PKHD1: variants seen among roughly 807,000 people sequenced by gnomAD.
The protein encoded by PKHD1 is PKHD1 ciliary IPT domain containing fibrocystin/polyductin.
PKHD1 carries 291 observed loss-of-function variants against 412.0 expected under a neutral mutation model. The observed-to-expected ratio is 0.71, with a 90% CI of 0.64 to 0.78. The LOEUF (loss-of-function observed/expected upper bound fraction) is 0.78. Ranked by LOEUF, PKHD1 falls within the 30% of genes least tolerant of loss-of-function variation. The probability of loss-of-function intolerance (pLI) is 0.00; values close to 1 mark genes in which losing one functional copy is unlikely to be tolerated. For synonymous variants in PKHD1, 1,777 were observed against 1,821.5 expected (o/e 0.98, Z 0.62); for missense variants, 4,825 against 4,950.7 (o/e 0.97, Z 0.76).
At chr6:51,888,565 C>T (rs1778577565) in intron 43 of PKHD1, among the ~76,000 whole-genome samples, 1 of 151,814 alleles carries the variant, frequency 6.6e-6, no homozygotes, top group South Asian at 2.1e-4. Flanking sequence ...GCCCAAATTC[C>T]TGTGAAGTAG....
At position 51,976,944 on chromosome 6, in the gene PKHD1, T is replaced by TAAAAAA. The variant is rs10671492; in HGVS notation, c.5752-16924_5752-16919dup. On this transcript the variant is annotated intron_variant, in intron 35 of 66. Transcript: ENST00000371117. The stretch of plus-strand genomic sequence containing the variant: ...GCCTGGGTGATAGAGTGAGACTCCA[T>TAAAAAA]AAAAAAAAAAAAAAAAAAAACCTGA... Among the ~76,000 whole-genome samples the TAAAAAA allele has an allele frequency of 7.4e-3, 690 of 93,424 alleles. 15 individuals carry two copies. The highest frequency in any genetic ancestry group is 0.022 in the East Asian group (67 of 3,064). 61.3% of individuals were successfully genotyped at this position (93,424 alleles called of 152,430 possible).
intron 35 of PKHD1, among the ~76,000 whole-genome samples, chr6:51,995,895 T>G (rs955294158): frequency 2.0e-5 from 3 of 152,204 alleles, no homozygotes; most frequent in Non-Finnish European, 4.4e-5. Context: ...ACTTCATAGT[T>G]TTTGGTTGTC....
rs1359222943 is a variant in PKHD1 at position 51,746,995 on chromosome 6, A to T, written c.9830-106T>A. The T allele has an allele frequency of 1.1e-5, 8 of 712,312 alleles. No homozygotes were observed. In the Admixed American group the frequency reaches 2.1e-4, roughly 19 times the overall value. The allele number at this position is 712,312 out of a possible 1,614,324, so 44.1% of individuals were successfully genotyped here. ...GTTATAATAATGTATACCCTAAGTT[A>T]GTTAAAGCTATCCAGGATAGCCTTA... is the stretch of plus-strand genomic sequence containing the variant. On this transcript the variant is annotated intron_variant, in intron 58 of 66. Transcript: ENST00000371117.
In PKHD1 at chr6:52,017,582, C is replaced by A; in HGVS notation, c.5428G>T (p.Glu1810Ter). The A allele has an allele frequency of 1.2e-6, 2 of 1,614,036 alleles. No homozygotes were observed. The highest frequency in any genetic ancestry group is 1.7e-6 in the Non-Finnish European group (2 of 1,180,000). ...TGCACATAGGTGTGTCTGGCAGCCTCACAGCTGTCCTCCTCACGCTTCAGG... is the reference window on the plus strand; with the variant it reads ...TGCACATAGGTGTGTCTGGCAGCCTAACAGCTGTCCTCCTCACGCTTCAGG... ...CGLKREEDSC[E>*]AARHTYVQCD... is the part of the protein sequence containing the mutation. Residue 1810 changes from glutamate to a stop codon, truncating the protein, a stop_gained, in exon 34 of 67, where the codon GAG becomes TAG. Coordinates refer to ENST00000371117, the MANE Select transcript of PKHD1 (RefSeq NM_138694.4). LOFTEE classifies it high-confidence loss of function.
At chr6:51,772,004 A>G (rs1245248209) in intron 55 of PKHD1, among the ~76,000 whole-genome samples, 1 of 152,100 alleles carries the variant, frequency 6.6e-6, no homozygotes, top group African/African-American at 2.4e-5. Context: ...CCTTGATATT[A>G]ATCTTTTCTA....
In PKHD1 at chr6:51,960,001, C is replaced by T. The variant is rs199598712; in HGVS notation, c.5777G>A (p.Arg1926Gln). The change falls in exon 36 of 67, where the codon CGG (arginine) becomes CAG (glutamine). Residue 1926 changes from arginine to glutamine, a missense_variant. Arg to Gln is a conservative substitution (Grantham distance 43, BLOSUM62 1). Transcript: ENST00000371117. ...CCAGCTGTGAGTCCTGGACCATCTC[C>T]GGCAGAACTGTAAAGAAAAGTTGCC... ...TQGNFSLQFC[R>Q]RWSRTHSWFP... 1.4e-4 allele frequency: 218 copies of T among 1,613,404 alleles called. No homozygotes were observed. Among genetic ancestry groups the T allele is most frequent in the Admixed American group, 5.0e-5 (3 of 59,950 alleles).
intron 1 of PKHD1, among the ~76,000 whole-genome samples, chr6:52,085,657 G>A (rs1812671270): frequency 6.6e-6 from 1 of 152,130 alleles, no homozygotes. Context: ...AGATAATGTG[G>A]CACACATAGG....
Position 52,082,523 on chromosome 6 carries a change from A to C in PKHD1, c.150T>G (p.Leu50=), listed in dbSNP as rs529214120. The change falls in exon 4 of 67, where the codon CTT becomes CTG. Residue 50 remains leucine (L), a synonymous_variant. Transcript: ENST00000371117. ...VIFDGLELGV[L]YPNNGSQLEI... is the part of the protein sequence containing the mutation. ...CCAATTGAGAGCCATTGTTGGGGTA[A>C]AGAACACCCAACTCCAAACCTAACA... 2.3e-5 allele frequency: 37 copies of C among 1,614,102 alleles called. No individual in the cohort carries two copies. In the East Asian group the frequency reaches 8.0e-4, roughly 35 times the overall value.
chr6:52,035,991 C>G (rs573116302), intron 27 of PKHD1, among the ~76,000 whole-genome samples: 1 of 152,284 alleles, frequency 6.6e-6, no homozygotes, highest in South Asian at 2.1e-4. Context: ...TGCCACAAGT[C>G]TGAAGAGGTA....
At chr6:51,981,182 C>T (rs1795094086) in intron 35 of PKHD1, among the ~76,000 whole-genome samples, 1 of 149,290 alleles carries the variant, frequency 6.7e-6, no homozygotes, top group Admixed American at 6.9e-5. Flanking sequence ...AACCTGCATG[C>T]TCTTCCCACT....
chr6:51,642,402 A>G (rs1356466119), intron 63 of PKHD1, among the ~76,000 whole-genome samples: 3 of 152,188 alleles, frequency 2.0e-5, no homozygotes, highest in Non-Finnish European at 1.5e-5. Context: ...AGTATGGAAT[A>G]TGAGTAAGGT....
intron 52 of PKHD1, among the ~76,000 whole-genome samples, chr6:51,824,985 A>G: frequency 6.6e-6 from 1 of 152,326 alleles, no homozygotes; most frequent in East Asian, 1.9e-4. Context: ...ATAAAATAAA[A>G]TAAAGAAACT....
intron 37 of PKHD1, 62 bp downstream of exon 37, chr6:51,934,048 T>G (rs1049702575): frequency 7.7e-7 from 1 of 1,293,912 alleles, no homozygotes; most frequent in South Asian, 1.2e-5. Flanking sequence ...TAAACAGTTT[T>G]ATCAGTTTCC....
At chr6:51,805,880 G>A (rs12216068) in intron 52 of PKHD1, among the ~76,000 whole-genome samples, 2,453 of 152,224 alleles carry the variant, frequency 0.016, 40 homozygotes, top group Non-Finnish European at 0.025. Flanking sequence ...TCTTAATCCA[G>A]TCTATCATTG....
chr6:51,770,092 T>G (rs1033516835), intron 55 of PKHD1, among the ~76,000 whole-genome samples: 1 of 151,726 alleles, frequency 6.6e-6, no homozygotes, highest in African/African-American at 2.4e-5. Flanking sequence ...TTTTATTATA[T>G]TATTCATGTT....
In PKHD1 at chr6:51,632,546, T is replaced by TTA. The variant is rs1554167633; in HGVS notation, c.11665+18_11665+19insTA. The TTA allele has an allele frequency of 1.4e-6, 2 of 1,425,956 alleles. No individual in the cohort carries two copies. The highest frequency in any genetic ancestry group is 2.9e-5 in the African/African-American group (2 of 69,196). The allele number at this position is 1,425,956 out of a possible 1,614,324, so 88.3% of individuals were successfully genotyped here. ...TTTTTCAGAAATTTTCATTCCAAAA[T>TTA]AAAAAAAAAACTACATACTTCTGCT... On this transcript the variant is annotated intron_variant, in intron 65 of 66. Coordinates refer to ENST00000371117, the MANE Select transcript of PKHD1 (RefSeq NM_138694.4).
In PKHD1 at chr6:52,037,787, T is replaced by A. The variant is rs568992651; in HGVS notation, c.3098-2066A>T. 6.6e-5 allele frequency among the ~76,000 whole-genome samples: 10 copies of A among 152,322 alleles called. No homozygotes were observed. In the South Asian group the frequency reaches 1.9e-3, roughly 28 times the overall value. On this transcript the variant is annotated intron_variant, in intron 27 of 66. Coordinates refer to ENST00000371117, the MANE Select transcript of PKHD1 (RefSeq NM_138694.4). ...GAGAATCTTTTGATATTTATCAAAA[T>A]TTTTAATGCAAATAACCTCTTGACC...
At position 51,857,211 on chromosome 6, in the gene PKHD1, C is replaced by CAA. The variant is rs66714286; in HGVS notation, c.7734-1143_7734-1142dup. Among the ~76,000 whole-genome samples the CAA allele has an allele frequency of 1.6e-3, 233 of 145,222 alleles. 1 individual carries two copies. The highest frequency in any genetic ancestry group is 5.6e-3 in the African/African-American group (219 of 39,180). On this transcript the variant is annotated intron_variant, in intron 48 of 66. Coordinates refer to ENST00000371117, the MANE Select transcript of PKHD1 (RefSeq NM_138694.4). Reference sequence around the variant, plus strand: ...GGACCTAAAGAAATAAAGCAAAATCCAAAAAAAAAAAAAATCAATACACAT... The same window carrying CAA: ...GGACCTAAAGAAATAAAGCAAAATCCAAAAAAAAAAAAAAAATCAATACACAT...
chr6:52,022,163 C>T (rs991966309), intron 33 of PKHD1, among the ~76,000 whole-genome samples: 4 of 152,198 alleles, frequency 2.6e-5, no homozygotes, highest in African/African-American at 9.7e-5. Flanking sequence ...ACTCTCTCAT[C>T]TCTTTCCCCA....
Sources: gnomAD v4.1 joint callset for allele counts (sites outside exome capture counted in the v4.1 genomes callset) on GRCh38, gnomAD v4.1.1 for gene constraint, MANE v1.5 for transcripts, NCBI Gene and HGNC (gene_info 2026-07-23, HGNC 2026-07-21) for gene names.